The following CLYBL variants were observed in gnomAD, a reference collection of about 807,000 sequenced individuals.
CLYBL encodes citramalyl-CoA lyase.
A neutral mutation model predicts 38.9 loss-of-function variants in CLYBL; 31 were observed. The ratio of observed to expected loss-of-function variants is 0.80; its 90% CI spans 0.60 to 1.08. The LOEUF is 1.08. Among genes scored for constraint, CLYBL ranks in the 50% least tolerant of loss-of-function variants. The pLI is 0.00. For synonymous variants in CLYBL, 171 were observed against 158.6 expected (o/e 1.08, Z -0.59); for missense variants, 434 against 411.6 (o/e 1.05, Z -0.47).
intron 1 of CLYBL, among the ~76,000 whole-genome samples, chr13:99,701,126 C>A (rs2048058527): frequency 6.6e-6 from 1 of 152,104 alleles, no homozygotes; most frequent in Admixed American, 6.6e-5. Context: ...CCCTCAGGGG[C>A]AACCAAGTCT....
intron 1 of CLYBL, among the ~76,000 whole-genome samples, chr13:99,632,262 T>C (rs2046956741): frequency 1.3e-5 from 2 of 152,194 alleles, no homozygotes; most frequent in African/African-American, 4.8e-5. Context: ...GGTGAAAAAG[T>C]AGCAGCTTTA....
intron 2 of CLYBL, among the ~76,000 whole-genome samples, chr13:99,797,572 G>GTGTGTA (rs2050048721): frequency 6.6e-6 from 1 of 151,544 alleles, no homozygotes; most frequent in Non-Finnish European, 1.5e-5. Flanking sequence ...GTGTGTGTGT[G>GTGTGTA]TGTGTGTGTG....
intron 1 of CLYBL, among the ~76,000 whole-genome samples, chr13:99,661,058 T>C (rs984383787): frequency 3.3e-5 from 5 of 152,208 alleles, no homozygotes; most frequent in Non-Finnish European, 7.3e-5. Context: ...ATTAAAAATA[T>C]GCTATTTTAA....
chr13:99,689,118 C>T (rs1159907369), intron 1 of CLYBL, among the ~76,000 whole-genome samples: 2 of 152,174 alleles, frequency 1.3e-5, no homozygotes, highest in Non-Finnish European at 2.9e-5. Flanking sequence ...AGCATCTAGC[C>T]CTTGGGACTT....
intron 7 of CLYBL, among the ~76,000 whole-genome samples, chr13:99,874,389 G>C (rs1310651627): frequency 6.6e-6 from 1 of 152,040 alleles, no homozygotes; most frequent in African/African-American, 2.4e-5. Context: ...ATTTCCACAT[G>C]ATTTGTTTTA....
At chr13:99,709,873 T>C (rs2048200599) in intron 1 of CLYBL, among the ~76,000 whole-genome samples, 2 of 150,808 alleles carry the variant, frequency 1.3e-5, no homozygotes, top group African/African-American at 4.9e-5. Flanking sequence ...GCTTCGCCAC[T>C]GCATTTCAGT....
intron 1 of CLYBL, among the ~76,000 whole-genome samples, chr13:99,710,881 C>CTT (rs748011707): frequency 0.011 from 889 of 83,648 alleles, no homozygotes; most frequent in Non-Finnish European, 0.014. Context: ...TTTCTAACCC[C>CTT]TTTTTTTTTT....
At chr13:99,845,196 G>T (rs1220886239) in intron 2 of CLYBL, among the ~76,000 whole-genome samples, 2 of 152,054 alleles carry the variant, frequency 1.3e-5, no homozygotes, top group Non-Finnish European at 2.9e-5. Context: ...TCGTTTTGAC[G>T]CACGGTTTAG....
intron 2 of CLYBL, among the ~76,000 whole-genome samples, chr13:99,774,589 C>T (rs908810265): frequency 1.3e-5 from 2 of 152,132 alleles, no homozygotes; most frequent in Admixed American, 6.5e-5. Flanking sequence ...CCTGAAACAA[C>T]GTGGCTGTAC....
At chr13:99,797,298 G>A (rs2050041150) in intron 2 of CLYBL, among the ~76,000 whole-genome samples, 1 of 152,184 alleles carries the variant, frequency 6.6e-6, no homozygotes, top group African/African-American at 2.4e-5. Flanking sequence ...GGATCTTACA[G>A]TATATTTAAG....
At chr13:99,735,350 C>T (rs2048650540) in intron 1 of CLYBL, among the ~76,000 whole-genome samples, 1 of 152,138 alleles carries the variant, frequency 6.6e-6, no homozygotes, top group South Asian at 2.1e-4. Context: ...GGCACCATTG[C>T]ACCCAGCTAA....
chr13:99,845,624 C>T (rs1174163001), intron 2 of CLYBL, among the ~76,000 whole-genome samples: 1 of 152,066 alleles, frequency 6.6e-6, no homozygotes, highest in Non-Finnish European at 1.5e-5. Flanking sequence ...TCGGAAGCTC[C>T]CAGTGTTTGT....
chr13:99,709,911 T>TTTTTC (rs2048201705), intron 1 of CLYBL, among the ~76,000 whole-genome samples: 1 of 145,338 alleles, frequency 6.9e-6, no homozygotes, highest in Non-Finnish European at 1.5e-5. Context: ...CCTTTTTTTT[T>TTTTTC]TTTCTTTCTT....
At chr13:99,881,204 T>C (rs914092450) in intron 7 of CLYBL, among the ~76,000 whole-genome samples, 5 of 152,228 alleles carry the variant, frequency 3.3e-5, no homozygotes, top group African/African-American at 1.2e-4. Context: ...AATTGGTGTC[T>C]GTGTTGAATG....
rs767129851 is a variant in CLYBL, at chr13:99,736,038, CTTTTT to C, written c.63-36766_63-36762del. On this transcript the variant is annotated intron_variant, in intron 1 of 8. Transcript: ENST00000339105. ...TTACTATATCCTATACGTTTCTTTT[CTTTTT>C]TTTTTTTTTTTTTTTTTTTGAGCTG... is the stretch of plus-strand genomic sequence containing the variant. 4.0e-3 allele frequency among the ~76,000 whole-genome samples: 305 copies of C among 76,142 alleles called. 1 individual carries two copies. The highest frequency in any genetic ancestry group is 6.2e-3 in the Non-Finnish European group (261 of 42,212). 50.0% of individuals were successfully genotyped at this position (76,142 alleles called of 152,430 possible).
At chr13:99,736,038 CTTTTTTTTTTTTT>C (rs767129851) in intron 1 of CLYBL, among the ~76,000 whole-genome samples, 4 of 76,198 alleles carry the variant, frequency 5.2e-5, no homozygotes, top group Non-Finnish European at 9.5e-5. Context: ...CGTTTCTTTT[CTTTTTTTTTTTTT>C]TTTTTTTTTT....
intron 1 of CLYBL, among the ~76,000 whole-genome samples, chr13:99,701,641 A>G (rs2048068101): frequency 6.6e-6 from 1 of 151,812 alleles, no homozygotes; most frequent in Non-Finnish European, 1.5e-5. Flanking sequence ...CATTTAACAA[A>G]GGCTTGAGTA....
chr13:99,792,370 C>A (rs1203506945), intron 2 of CLYBL, among the ~76,000 whole-genome samples: 1 of 152,060 alleles, frequency 6.6e-6, no homozygotes, highest in Non-Finnish European at 1.5e-5. Flanking sequence ...GAGAGCTGGC[C>A]ACCCTCAGTA....
At chr13:99,886,556 G>A (rs2052354639) in intron 7 of CLYBL, among the ~76,000 whole-genome samples, 1 of 152,242 alleles carries the variant, frequency 6.6e-6, no homozygotes, top group African/African-American at 2.4e-5. Context: ...TGTATAGTAA[G>A]ATGTGCAAAG....
Sources: allele counts gnomAD v4.1 joint callset (sites outside exome capture counted in the v4.1 genomes callset), GRCh38; gene constraint gnomAD v4.1.1; transcripts MANE v1.5; gene names NCBI Gene and HGNC (gene_info 2026-07-23, HGNC 2026-07-21).